Variants in CCDC62 observed in about 807,000 individuals in gnomAD.
CCDC62 encodes coiled-coil domain-containing protein 62.
A neutral mutation model predicts 80.8 loss-of-function variants in CCDC62; 72 were observed. The observed-to-expected ratio is 0.89, with a 90% CI of 0.74 to 1.08. The LOEUF (loss-of-function observed/expected upper bound fraction) is 1.08, where lower values mean the gene tolerates loss of function less well. Ranked by LOEUF, CCDC62 falls within the 50% of genes least tolerant of loss-of-function variation. CCDC62 has a pLI of 0.00. For missense variants in CCDC62, 704 were observed against 809.4 expected (o/e 0.87, Z 1.58); for synonymous variants, 286 against 296.5 (o/e 0.96, Z 0.36).
rs758351015 is a variant in CCDC62 at position 122,801,804 on chromosome 12, G to T, written c.1658G>T (p.Cys553Phe). 1 of 1,614,108 alleles carries T rather than the reference G, an allele frequency of 6.2e-7. No individual in the cohort carries two copies. Among genetic ancestry groups the T allele is most frequent in the Non-Finnish European group, 8.5e-7 (1 of 1,180,006 alleles). The change falls in exon 9 of 13, where the codon TGC becomes TTC. Residue 553 changes from cysteine (C) to phenylalanine (F), a missense_variant. By Grantham distance (205) the Cys-to-Phe change is radical (BLOSUM62 -2). Transcript: ENST00000253079. ...AGAATTGTCCGCCTCAAATCTGGGT[G>T]CACCTGTTCAGAAAGCATCTGTGGC... ...MQRIVRLKSGCTCSESICGTQ... is the reference protein window; with the variant it reads ...MQRIVRLKSGFTCSESICGTQ...
chr12:122,783,003 A>C (rs914730700), intron 3 of CCDC62, among the ~76,000 whole-genome samples: 1 of 150,844 alleles, frequency 6.6e-6, no homozygotes, highest in Non-Finnish European at 1.5e-5. Flanking sequence ...ACTACTCAGG[A>C]GGCTGAGGTA....
At chr12:122,804,571 A>T (rs984534488) in intron 9 of CCDC62, among the ~76,000 whole-genome samples, 2 of 152,176 alleles carry the variant, frequency 1.3e-5, no homozygotes, top group African/African-American at 2.4e-5. Flanking sequence ...GGATCTCTTG[A>T]GTTCAGGAGT....
chr12:122,777,770 A>C, intron 2 of CCDC62, 87 bp downstream of exon 2: 1 of 1,246,038 alleles, frequency 8.0e-7, no homozygotes. Flanking sequence ...GAGGAAGTAA[A>C]GACTGCAATC....
chr12:122,805,706 G>A (rs918025597), intron 9 of CCDC62, among the ~76,000 whole-genome samples: 14 of 151,940 alleles, frequency 9.2e-5, no homozygotes, highest in Admixed American at 4.6e-4. Context: ...AGTAGAGACG[G>A]GGTTTCACCG....
intron 12 of CCDC62, among the ~76,000 whole-genome samples, chr12:122,825,238 C>G (rs575064560): frequency 1.1e-3 from 174 of 151,508 alleles, no homozygotes; most frequent in Non-Finnish European, 1.8e-3. Context: ...TGCAGTGGTG[C>G]AATCTCAGCT....
At chr12:122,792,423 A>G (rs964574177) in intron 6 of CCDC62, among the ~76,000 whole-genome samples, 5 of 150,234 alleles carry the variant, frequency 3.3e-5, no homozygotes, top group Admixed American at 1.3e-4. Context: ...GTTTCACCAC[A>G]TTGGTCAGGC....
chr12:122,786,170 C>T (rs1671679), intron 4 of CCDC62, among the ~76,000 whole-genome samples: 8,497 of 151,940 alleles, frequency 0.056, 408 homozygotes, highest in East Asian at 0.27. Flanking sequence ...TGTTTTGAGA[C>T]GGAGTCTCGC....
intron 5 of CCDC62, among the ~76,000 whole-genome samples, chr12:122,791,012 G>A (rs2030566455): frequency 6.6e-6 from 1 of 152,200 alleles, no homozygotes; most frequent in Non-Finnish European, 1.5e-5. Context: ...GAACGGCGGT[G>A]GGGAGATGGG....
intron 3 of CCDC62, among the ~76,000 whole-genome samples, chr12:122,784,340 G>A (rs2030075982): frequency 1.3e-5 from 2 of 152,078 alleles, no homozygotes; most frequent in African/African-American, 4.8e-5. Flanking sequence ...GACCAACATG[G>A]TGAAACCCCA....
intron 11 of CCDC62, among the ~76,000 whole-genome samples, chr12:122,822,705 A>G (rs1308620073): frequency 2.0e-5 from 3 of 150,542 alleles, no homozygotes; most frequent in African/African-American, 4.9e-5. Context: ...TTAGATTTCA[A>G]ATATAAGTGA....
chr12:122,788,936 A>C lies in CCDC62; in HGVS notation c.670+7A>C, dbSNP rs765729738. ...GAAGTCAACAAACTAAAAGGTAAGG[A>C]AGAGACCTACATTTAAGATACAAAT... On this transcript the variant is annotated splice_region_variant and intron_variant, in intron 5 of 12. Transcript: ENST00000253079. 7 of 1,572,674 alleles carry C rather than the reference A, an allele frequency of 4.5e-6. No individual in the cohort carries two copies. In the East Asian group the frequency reaches 1.6e-4, roughly 35 times the overall value.
intron 12 of CCDC62, among the ~76,000 whole-genome samples, chr12:122,825,805 G>T (rs1354854254): frequency 7.6e-6 from 1 of 132,144 alleles, no homozygotes; most frequent in Non-Finnish European, 1.6e-5. Flanking sequence ...GGCCAACATG[G>T]CGAAACCCCG....
chr12:122,820,083 AG>A lies in CCDC62; in HGVS notation c.2002-3282del, dbSNP rs1427149209. On this transcript the variant is annotated intron_variant, in intron 11 of 12. Transcript: ENST00000253079. ...TCTCAAAAAAAAAAAAAAAAAAAAA[AG>A]AAGAAGAAGAAAAGAAAGAGGATGG... Among the ~76,000 whole-genome samples the A allele has an allele frequency of 4.6e-3, 609 of 133,214 alleles. 3 individuals are homozygous for A. The highest frequency in any genetic ancestry group is 7.9e-3 in the Non-Finnish European group (479 of 60,524). The allele number at this position is 133,214 out of a possible 152,430, so 87.4% of individuals were successfully genotyped here. A position where few individuals can be genotyped will look rare whatever the true frequency, so the allele number is the denominator to read the frequency against.
chr12:122,817,616 G>T (rs1447232025), intron 11 of CCDC62, among the ~76,000 whole-genome samples: 1 of 152,120 alleles, frequency 6.6e-6, no homozygotes, highest in African/African-American at 2.4e-5. Context: ...GAGCCACTAT[G>T]CCTGGCCCAA....
intron 2 of CCDC62, among the ~76,000 whole-genome samples, chr12:122,778,355 A>C (rs1211182477): frequency 9.3e-5 from 4 of 43,076 alleles, no homozygotes; most frequent in African/African-American, 2.2e-4. Flanking sequence ...CCCTGTCCCA[A>C]AAAAAAAAAA....
At chr12:122,792,202 GTTTTTTT>G in intron 6 of CCDC62, 81 bp downstream of exon 6, 1 of 499,736 alleles carries the variant, frequency 2.0e-6, no homozygotes. Context: ...TCCCAAAATG[GTTTTTTT>G]TTTTTTTTTT....
chr12:122,782,876 G>C lies in CCDC62; in HGVS notation c.396+1546G>C, dbSNP rs565520385. Among the ~76,000 whole-genome samples, 11 of 151,804 alleles carry C rather than the reference G, an allele frequency of 7.2e-5. No homozygotes were observed. In the East Asian group the frequency reaches 2.0e-3, roughly 28 times the overall value. On this transcript the variant is annotated intron_variant, in intron 3 of 12. Transcript: ENST00000253079. Reference sequence around the variant, plus strand: ...TAATCCCAGCACTTTGGGAGGCCGAGGTGGGCGGTGACTTGAGGTCCAAAG... The same window carrying C: ...TAATCCCAGCACTTTGGGAGGCCGACGTGGGCGGTGACTTGAGGTCCAAAG...
chr12:122,801,583 A>G lies in CCDC62; in HGVS notation c.1437A>G (p.Pro479=), dbSNP rs1165872910. Residue 479 remains proline, a synonymous_variant, in exon 9 of 13, where the codon CCA becomes CCG. Transcript: ENST00000253079. ...GLTNCPSSKH[P]EKLDVECQDQ... ...CCAACTGTCCAAGTTCAAAACATCCAGAAAAGCTGGATGTAGAATGTCAAG... is the reference window on the plus strand; with the variant it reads ...CCAACTGTCCAAGTTCAAAACATCCGGAAAAGCTGGATGTAGAATGTCAAG... 2 of 1,614,170 alleles carry G rather than the reference A, an allele frequency of 1.2e-6. No homozygotes were observed. Among genetic ancestry groups the G allele is most frequent in the Admixed American group, 1.7e-5 (1 of 60,004 alleles).
chr12:122,793,039 A>T (rs1263494104), intron 6 of CCDC62, among the ~76,000 whole-genome samples: 1 of 152,200 alleles, frequency 6.6e-6, no homozygotes, highest in African/African-American at 2.4e-5. Context: ...TCAAAAATGC[A>T]TTTAATGAAG....
Sources: gnomAD v4.1 joint callset for allele counts (sites outside exome capture counted in the v4.1 genomes callset) on GRCh38, gnomAD v4.1.1 for gene constraint, MANE v1.5 for transcripts, NCBI Gene and HGNC (gene_info 2026-07-23, HGNC 2026-07-21) for gene names.